The following LPP variants were observed in gnomAD, a reference collection of about 807,000 sequenced individuals.
The protein encoded by LPP is lipoma-preferred partner.
Under a neutral mutation model 60.4 loss-of-function variants are expected in LPP, and 38 were observed. That is an observed-to-expected ratio of 0.63 (90% CI 0.49 to 0.83). The LOEUF (loss-of-function observed/expected upper bound fraction) is 0.83, where lower values mean the gene tolerates loss of function less well. Among genes scored for constraint, LPP ranks in the 40% least tolerant of loss-of-function variants. LPP has a pLI of 0.00. For synonymous variants in LPP, 328 were observed against 290.8 expected, an observed-to-expected ratio of 1.13 and a Z score of -1.30; for missense variants, 902 against 783.6, an observed-to-expected ratio of 1.15 and a Z score of -1.80.
chr3:188,615,912 T>C (rs1218475596), intron 7 of LPP, among the ~76,000 whole-genome samples: 2 of 152,152 alleles, frequency 1.3e-5, no homozygotes, highest in Non-Finnish European at 2.9e-5. Flanking sequence ...TCATACCCTT[T>C]GTCCACTTTT....
chr3:188,242,997 T>A (rs2149484753), intron 2 of LPP, among the ~76,000 whole-genome samples: 1 of 152,302 alleles, frequency 6.6e-6, no homozygotes, highest in South Asian at 2.1e-4. Flanking sequence ...GAAGAAAAGA[T>A]ACTTGCTATA....
rs117457518 is a variant in LPP at position 188,882,632 on chromosome 3, A to T, written c.*8153A>T. On this transcript the variant is annotated 3_prime_UTR_variant, in exon 12 of 12. Coordinates refer to ENST00000617246, the MANE Select transcript of LPP (RefSeq NM_001375462.1). ...GACCCTCCACAAAAGAACAAGCAGG[A>T]CATCTCTATTTTCCTATTGAGTCTG... is the stretch of plus-strand genomic sequence containing the variant. 775 of 221,296 alleles carry T rather than the reference A, an allele frequency of 3.5e-3. 25 individuals are homozygous for T. The East Asian group carries it at 0.048, about 14-fold the overall frequency. The allele number at this position is 221,296 out of a possible 1,614,324, so 13.7% of individuals were successfully genotyped here.
chr3:188,449,579 C>T (rs952609204), intron 4 of LPP, among the ~76,000 whole-genome samples: 3 of 151,990 alleles, frequency 2.0e-5, no homozygotes, highest in African/African-American at 7.3e-5. Flanking sequence ...AACTGAGACA[C>T]AAAGAAAGTA....
chr3:188,183,760 G>T (rs2148928847), intron 1 of LPP, among the ~76,000 whole-genome samples: 1 of 152,052 alleles, frequency 6.6e-6, no homozygotes, highest in South Asian at 2.1e-4. Flanking sequence ...GAGGGGGTGT[G>T]CTGGGGAGGT....
chr3:188,295,647 C>T (rs966039018), intron 2 of LPP, among the ~76,000 whole-genome samples: 4 of 152,192 alleles, frequency 2.6e-5, no homozygotes, highest in African/African-American at 7.2e-5. Context: ...AAGCAATCCT[C>T]CCGCCTCAGC....
At chr3:188,605,680 A>G (rs1159369374) in intron 6 of LPP, among the ~76,000 whole-genome samples, 1 of 152,198 alleles carries the variant, frequency 6.6e-6, no homozygotes, top group East Asian at 1.9e-4. Context: ...GGGAATCATT[A>G]TTCAGCGGCT....
chr3:188,681,290 G>A (rs994961211), intron 7 of LPP, among the ~76,000 whole-genome samples: 7 of 152,100 alleles, frequency 4.6e-5, no homozygotes, highest in East Asian at 1.9e-4. Context: ...CACCGCACCC[G>A]GCCGCATTTC....
intron 2 of LPP, among the ~76,000 whole-genome samples, chr3:188,263,453 C>T (rs1472453379): frequency 6.6e-6 from 1 of 152,142 alleles, no homozygotes; most frequent in African/African-American, 2.4e-5. Flanking sequence ...ACTCCTCCAT[C>T]TGGCATTTAA....
intron 6 of LPP, among the ~76,000 whole-genome samples, chr3:188,535,910 G>A (rs546621637): frequency 6.6e-6 from 1 of 151,802 alleles, no homozygotes; most frequent in Non-Finnish European, 1.5e-5. Flanking sequence ...TCAGTGAGAG[G>A]AAAGAAGTTG....
chr3:188,254,796 G>A (rs752217982), intron 2 of LPP, among the ~76,000 whole-genome samples: 24 of 152,268 alleles, frequency 1.6e-4, no homozygotes, highest in Non-Finnish European at 3.2e-4. Context: ...TGGGGCAACT[G>A]TATGGGCGCC....
intron 9 of LPP, among the ~76,000 whole-genome samples, chr3:188,765,603 G>T (rs1173341392): frequency 2.0e-5 from 3 of 152,060 alleles, no homozygotes; most frequent in Non-Finnish European, 4.4e-5. Context: ...ATGTGGCTCG[G>T]ATGTTTTCAA....
chr3:188,203,551 TTTTAAATATATATAA>T (rs1732113506), intron 1 of LPP, among the ~76,000 whole-genome samples: 7 of 73,300 alleles, frequency 9.5e-5, no homozygotes, highest in Non-Finnish European at 1.2e-4. Context: ...ATATATATAT[TTTTAAATATATATAA>T]ATATATATTT....
At chr3:188,615,444 T>G (rs554264067) in intron 7 of LPP, among the ~76,000 whole-genome samples, 30 of 152,356 alleles carry the variant, frequency 2.0e-4, no homozygotes, top group African/African-American at 7.0e-4. Flanking sequence ...ACTCTTTTAC[T>G]GTACTGGAGT....
intron 7 of LPP, among the ~76,000 whole-genome samples, chr3:188,626,679 A>C (rs998765433): frequency 7.2e-5 from 11 of 152,202 alleles, no homozygotes; most frequent in Admixed American, 2.0e-4. Flanking sequence ...GGACAACTCC[A>C]GTCGTATTGG....
intron 11 of LPP, 98 bp downstream of exon 11, chr3:188,872,861 C>A (rs144071392): frequency 6.6e-7 from 1 of 1,509,544 alleles, no homozygotes; most frequent in South Asian, 1.2e-5. Context: ...AATCTCAGAA[C>A]GGCCTTAGTG....
chr3:188,614,709 C>T (rs1010429827), intron 7 of LPP, among the ~76,000 whole-genome samples: 2 of 152,244 alleles, frequency 1.3e-5, no homozygotes, highest in East Asian at 3.9e-4. Flanking sequence ...ATGCTTTGAC[C>T]GTGGCAAGTG....
intron 1 of LPP, among the ~76,000 whole-genome samples, chr3:188,197,207 T>C (rs757538321): frequency 8.2e-4 from 124 of 152,076 alleles, no homozygotes; most frequent in Non-Finnish European, 6.9e-4. Flanking sequence ...GGCCTTCAAT[T>C]TGGGTAGTAT....
chr3:188,203,536 T>TAA (rs1353303214), intron 1 of LPP, among the ~76,000 whole-genome samples: 1 of 97,332 alleles, frequency 1.0e-5, no homozygotes, highest in African/African-American at 4.3e-5. Flanking sequence ...AATATATATT[T>TAA]AAATATATAT....
chr3:188,620,659 C>T lies in LPP; in HGVS notation c.1113+10815C>T, dbSNP rs567227445. Among the ~76,000 whole-genome samples the T allele has an allele frequency of 2.6e-5, 4 of 152,188 alleles. No homozygotes were observed. The South Asian group carries it at 6.2e-4, about 24-fold the overall frequency. Reference sequence around the variant, plus strand: ...TATGTTTTCAGTTTTCTTGGGTATACACCTAAAAGTGGGATTGCTGAGTCA... The same window carrying T: ...TATGTTTTCAGTTTTCTTGGGTATATACCTAAAAGTGGGATTGCTGAGTCA... On this transcript the variant is annotated intron_variant, in intron 7 of 11. Coordinates refer to ENST00000617246, the MANE Select transcript of LPP (RefSeq NM_001375462.1).
Sources: gnomAD v4.1 joint callset for allele counts (sites outside exome capture counted in the v4.1 genomes callset) on GRCh38, gnomAD v4.1.1 for gene constraint, MANE v1.5 for transcripts, NCBI Gene and HGNC (gene_info 2026-07-23, HGNC 2026-07-21) for gene names.